The following SPOCK3 variants were observed in gnomAD, a reference collection of about 807,000 sequenced individuals.
SPOCK3 encodes SPARC (osteonectin), cwcv and kazal like domains proteoglycan 3.
SPOCK3 carries 30 observed loss-of-function variants against 56.6 expected under a neutral mutation model. The observed-to-expected ratio is 0.53, with a 90% CI of 0.40 to 0.72. SPOCK3 has a LOEUF of 0.72. Ranked by LOEUF, SPOCK3 falls within the 30% of genes least tolerant of loss-of-function variation. The pLI, the probability that SPOCK3 is intolerant of heterozygous loss-of-function variation, is 0.00. For synonymous variants in SPOCK3, 196 were observed against 183.3 expected (o/e 1.07, Z -0.56); for missense variants, 527 against 530.0 (o/e 0.99, Z 0.06).
At chr4:166,819,799 A>G (rs1744739197) in intron 6 of SPOCK3, among the ~76,000 whole-genome samples, 1 of 151,514 alleles carries the variant, frequency 6.6e-6, no homozygotes, top group Non-Finnish European at 1.5e-5. Flanking sequence ...CTGAAGTGGC[A>G]CCCTTGAACT....
At chr4:167,064,511 T>C (rs1322305227) in intron 2 of SPOCK3, among the ~76,000 whole-genome samples, 2 of 151,914 alleles carry the variant, frequency 1.3e-5, no homozygotes, top group Non-Finnish European at 2.9e-5. Flanking sequence ...CAACGTAACA[T>C]ACTCATTTAA....
At chr4:166,823,463 T>A (rs1745144910) in intron 6 of SPOCK3, among the ~76,000 whole-genome samples, 1 of 152,084 alleles carries the variant, frequency 6.6e-6, no homozygotes. Context: ...TATTGTCTTA[T>A]TGCAATACTT....
chr4:166,961,307 T>C (rs967345741), intron 4 of SPOCK3, among the ~76,000 whole-genome samples: 4 of 151,894 alleles, frequency 2.6e-5, no homozygotes, highest in Non-Finnish European at 4.4e-5. Context: ...TTTGCAGCCA[T>C]AGAAATGTAC....
At chr4:166,778,618 T>C (rs1406793075) in intron 7 of SPOCK3, among the ~76,000 whole-genome samples, 1 of 152,166 alleles carries the variant, frequency 6.6e-6, no homozygotes, top group African/African-American at 2.4e-5. Context: ...AAAATTCCTC[T>C]CTTCAAACTG....
intron 6 of SPOCK3, among the ~76,000 whole-genome samples, chr4:166,876,636 G>C (rs767113274): frequency 6.6e-6 from 1 of 152,058 alleles, no homozygotes; most frequent in Non-Finnish European, 1.5e-5. Flanking sequence ...CATGTATATA[G>C]AGCATAATAT....
chr4:166,845,464 C>A (rs1226291577), intron 6 of SPOCK3, among the ~76,000 whole-genome samples: 1 of 152,066 alleles, frequency 6.6e-6, no homozygotes, highest in Non-Finnish European at 1.5e-5. Context: ...TGTGCTATAA[C>A]TTATAATCTT....
At chr4:167,135,680 CGTGT>C (rs57918767) in intron 2 of SPOCK3, among the ~76,000 whole-genome samples, 26,993 of 147,532 alleles carry the variant, frequency 0.18, 2,703 homozygotes, top group Middle Eastern at 0.26. Flanking sequence ...CTATATAAAA[CGTGT>C]GTGTGTGTGT....
intron 6 of SPOCK3, among the ~76,000 whole-genome samples, chr4:166,825,867 A>G (rs1398689362): frequency 2.6e-5 from 4 of 152,054 alleles, no homozygotes; most frequent in Non-Finnish European, 5.9e-5. Flanking sequence ...TAAGAACAAT[A>G]GAACGGACTT....
At chr4:167,006,703 A>G (rs1014281489) in intron 3 of SPOCK3, among the ~76,000 whole-genome samples, 1 of 152,180 alleles carries the variant, frequency 6.6e-6, no homozygotes, top group Non-Finnish European at 1.5e-5. Flanking sequence ...TTTTTGGGGA[A>G]ACCTTTAACT....
intron 2 of SPOCK3, among the ~76,000 whole-genome samples, chr4:167,159,588 A>T (rs963339274): frequency 4.6e-5 from 7 of 152,252 alleles, no homozygotes; most frequent in African/African-American, 1.2e-4. Context: ...ACACAACCAA[A>T]AAAGAGAATT....
intron 3 of SPOCK3, among the ~76,000 whole-genome samples, chr4:167,058,716 A>G (rs146851980): frequency 0.025 from 3,804 of 152,330 alleles, 77 homozygotes; most frequent in Middle Eastern, 0.061. Flanking sequence ...CAAATGAACA[A>G]AGCTGGAGGC....
At chr4:166,808,549 C>G (rs781604185) in intron 6 of SPOCK3, among the ~76,000 whole-genome samples, 3 of 151,988 alleles carry the variant, frequency 2.0e-5, no homozygotes, top group Non-Finnish European at 2.9e-5. Context: ...CTCATGCTGC[C>G]TTGCACTCTG....
At chr4:166,990,225 A>C (rs1471002603) in intron 4 of SPOCK3, among the ~76,000 whole-genome samples, 1 of 152,302 alleles carries the variant, frequency 6.6e-6, no homozygotes, top group East Asian at 1.9e-4. Flanking sequence ...CAATGATTAC[A>C]AATTACATAT....
chr4:166,934,661 A>C (rs1044889229), intron 4 of SPOCK3, among the ~76,000 whole-genome samples: 2 of 152,142 alleles, frequency 1.3e-5, no homozygotes, highest in Non-Finnish European at 2.9e-5. Flanking sequence ...ATAATAATTT[A>C]TGATTATTAA....
intron 4 of SPOCK3, among the ~76,000 whole-genome samples, chr4:166,977,488 T>A (rs534078756): frequency 6.6e-6 from 1 of 152,230 alleles, no homozygotes; most frequent in African/African-American, 2.4e-5. Context: ...CATTCTCTGA[T>A]AATATTGTAT....
At chr4:167,057,429 C>T (rs1246140799) in intron 3 of SPOCK3, among the ~76,000 whole-genome samples, 1 of 152,018 alleles carries the variant, frequency 6.6e-6, no homozygotes, top group African/African-American at 2.4e-5. Flanking sequence ...CAAATTCACA[C>T]ATAACAATAT....
chr4:166,767,572 G>T (rs1738269679), intron 7 of SPOCK3, among the ~76,000 whole-genome samples: 1 of 152,186 alleles, frequency 6.6e-6, no homozygotes, highest in Non-Finnish European at 1.5e-5. Context: ...TATAATTTCT[G>T]TTCTTTTACA....
At chr4:167,051,381 T>C (rs1238946430) in intron 3 of SPOCK3, among the ~76,000 whole-genome samples, 1 of 152,248 alleles carries the variant, frequency 6.6e-6, no homozygotes, top group Non-Finnish European at 1.5e-5. Context: ...TTCTTCTTGT[T>C]GTGTTAGATT....
chr4:167,103,311 G>A (rs1759817893), intron 2 of SPOCK3, among the ~76,000 whole-genome samples: 1 of 152,110 alleles, frequency 6.6e-6, no homozygotes, highest in Non-Finnish European at 1.5e-5. Flanking sequence ...GGTCTCAGAT[G>A]CTAGGCCTTA....
Sources: gnomAD v4.1 joint callset for allele counts (sites outside exome capture counted in the v4.1 genomes callset) on GRCh38, gnomAD v4.1.1 for gene constraint, MANE v1.5 for transcripts, NCBI Gene and HGNC (gene_info 2026-07-23, HGNC 2026-07-21) for gene names.